DGKI: variants seen among roughly 807,000 people sequenced by gnomAD.
DGKI encodes the protein DAG kinase iota.
DGKI carries 55 observed loss-of-function variants against 147.5 expected under a neutral mutation model. That is an observed-to-expected ratio of 0.37 (90% CI 0.30 to 0.47). The LOEUF (loss-of-function observed/expected upper bound fraction) is 0.47. DGKI is among the 20% of genes least tolerant of loss of function. The pLI, the probability that DGKI is intolerant of heterozygous loss-of-function variation, is 1.00. For synonymous variants in DGKI, 469 were observed against 477.1 expected (o/e 0.98, Z 0.22); for missense variants, 1,007 against 1,323.8 (o/e 0.76, Z 3.71).
At chr7:137,486,151 T>C (rs1007693095) in intron 22 of DGKI, among the ~76,000 whole-genome samples, 1 of 152,154 alleles carries the variant, frequency 6.6e-6, no homozygotes, top group Non-Finnish European at 1.5e-5. Flanking sequence ...TTCATCACAT[T>C]ACTTTCCATT....
chr7:137,440,579 T>G (rs909261995), intron 28 of DGKI, among the ~76,000 whole-genome samples: 2 of 152,308 alleles, frequency 1.3e-5, no homozygotes, highest in East Asian at 3.9e-4. Context: ...GGTCTGAAAA[T>G]TAACTCTCTC....
chr7:137,562,373 T>C (rs747553195), intron 19 of DGKI, among the ~76,000 whole-genome samples: 4 of 152,094 alleles, frequency 2.6e-5, no homozygotes, highest in Non-Finnish European at 4.4e-5. Flanking sequence ...TCGCCTCTAC[T>C]AAAAATACAA....
chr7:137,846,428 G>A lies in DGKI; in HGVS notation c.401+34C>T. The A allele has an allele frequency of 2.0e-6, 3 of 1,507,902 alleles. No homozygotes were observed. The highest frequency in any genetic ancestry group is 2.6e-5 in the East Asian group (1 of 38,656). The allele number at this position is 1,507,902 out of a possible 1,614,324, so 93.4% of individuals were successfully genotyped here. A position where few individuals can be genotyped will look rare whatever the true frequency, so the allele number is the denominator to read the frequency against. ...AGAAGAGTGGGTCTCCCGCCGCGGCGCACCTGTCTCGGCTGCCGGCTCCCC... is the reference window on the plus strand; with the variant it reads ...AGAAGAGTGGGTCTCCCGCCGCGGCACACCTGTCTCGGCTGCCGGCTCCCC... On this transcript the variant is annotated intron_variant, in intron 1 of 32. Transcript: ENST00000614521. The surrounding 1 kb of genome is among the most constrained non-coding windows in gnomAD (Gnocchi z 4.0).
At chr7:137,546,093 G>C (rs777575877) in intron 20 of DGKI, 17 of 549,302 alleles carry the variant, frequency 3.1e-5, no homozygotes, top group Non-Finnish European at 4.9e-5. Flanking sequence ...TCACCGAACA[G>C]CGAAGGAAAG....
intron 1 of DGKI, among the ~76,000 whole-genome samples, chr7:137,731,859 C>T (rs1265807288): frequency 6.6e-6 from 1 of 152,044 alleles, no homozygotes; most frequent in Non-Finnish European, 1.5e-5. Context: ...CCCACACAAG[C>T]TCTCTGTCCT....
At chr7:137,473,242 T>C (rs1263745933) in intron 23 of DGKI, among the ~76,000 whole-genome samples, 1 of 152,168 alleles carries the variant, frequency 6.6e-6, no homozygotes, top group Non-Finnish European at 1.5e-5. Flanking sequence ...AAATGTTTGA[T>C]CTACAGAAAC....
At chr7:137,542,491 T>G (rs1428960281) in intron 20 of DGKI, among the ~76,000 whole-genome samples, 6 of 152,326 alleles carry the variant, frequency 3.9e-5, no homozygotes, top group Admixed American at 6.5e-5. Flanking sequence ...GGTGTAGTGT[T>G]CAGTCAAAGA....
chr7:137,779,521 G>A (rs1465738517), intron 1 of DGKI, among the ~76,000 whole-genome samples: 1 of 152,078 alleles, frequency 6.6e-6, no homozygotes, highest in Non-Finnish European at 1.5e-5. Context: ...AAATTAATAA[G>A]TATGCTTCAG....
chr7:137,485,376 G>C lies in DGKI; in HGVS notation c.2371C>G (p.Gln791Glu), dbSNP rs551375940. 2 of 1,606,720 alleles carry C rather than the reference G, an allele frequency of 1.2e-6. No individual in the cohort carries two copies. Among genetic ancestry groups the C allele is most frequent in the African/African-American group, 2.7e-5 (2 of 74,680 alleles). ...VSSGSQRVHY[Q>E]DHETSFPRAL... ...AAGGAGAGTCAATTATTTGTTACCT[G>C]GTAATGAACTCTCTGGGAGCCAGAA... The change falls in exon 23 of 33, where the codon CAG (glutamine) becomes GAG (glutamate). Residue 791 changes from glutamine to glutamate, a missense_variant and splice_region_variant. This residue lies in a region of DGKI where 385 missense variants were observed against 445.2 expected (regional missense o/e 0.86). Coordinates refer to ENST00000614521, the MANE Select transcript of DGKI (RefSeq NM_001321708.2).
intron 6 of DGKI, among the ~76,000 whole-genome samples, chr7:137,629,697 C>A (rs1821064081): frequency 6.6e-6 from 1 of 152,146 alleles, no homozygotes; most frequent in African/African-American, 2.4e-5. Context: ...AGTTTTTAAC[C>A]AGCAAAACCC....
intron 1 of DGKI, among the ~76,000 whole-genome samples, chr7:137,780,504 A>C (rs752201387): frequency 1.3e-4 from 20 of 152,190 alleles, no homozygotes; most frequent in Non-Finnish European, 2.6e-4. Flanking sequence ...TGGAAAAGGA[A>C]GGGTGTCTAC....
chr7:137,703,971 G>A (rs1793915634), intron 1 of DGKI, among the ~76,000 whole-genome samples: 1 of 152,188 alleles, frequency 6.6e-6, no homozygotes, highest in Non-Finnish European at 1.5e-5. Context: ...AGCACTTTGG[G>A]AGGCTAAGGC....
intron 1 of DGKI, chr7:137,843,487 T>A: frequency 1.1e-6 from 1 of 944,176 alleles, no homozygotes; most frequent in South Asian, 4.9e-5. Flanking sequence ...AAAATTCTCA[T>A]GGGAAAAATG....
chr7:137,407,630 A>G (rs1812006916), intron 30 of DGKI, among the ~76,000 whole-genome samples: 2 of 152,118 alleles, frequency 1.3e-5, no homozygotes, highest in Non-Finnish European at 2.9e-5. Context: ...AATTAGTCTG[A>G]AAAATAGCCT....
At position 137,494,816 on chromosome 7, in the gene DGKI, A is replaced by T. The variant is rs188191139; in HGVS notation, c.2249-7127T>A. Among the ~76,000 whole-genome samples the T allele has an allele frequency of 6.6e-5, 10 of 152,302 alleles. 1 individual carries two copies. The highest frequency in any genetic ancestry group is 5.9e-4 in the Admixed American group (9 of 15,292). On this transcript the variant is annotated intron_variant, in intron 21 of 32. Transcript: ENST00000614521. Reference sequence around the variant, plus strand: ...CACAATGACAGGATCAAATCCACACATATTAATGCTAACTTTGAATGTAAA... The same window carrying T: ...CACAATGACAGGATCAAATCCACACTTATTAATGCTAACTTTGAATGTAAA...
chr7:137,628,907 A>G (rs1821034571), intron 6 of DGKI, among the ~76,000 whole-genome samples: 1 of 152,176 alleles, frequency 6.6e-6, no homozygotes, highest in Non-Finnish European at 1.5e-5. Context: ...AAAGGGCTTG[A>G]CTTAAGATAA....
At chr7:137,554,914 CTT>C (rs757320303) in intron 19 of DGKI, among the ~76,000 whole-genome samples, 448 of 107,390 alleles carry the variant, frequency 4.2e-3, no homozygotes, top group African/African-American at 0.014. Context: ...AAACTATTTT[CTT>C]TTTTTTTTTT....
At chr7:137,779,336 A>T (rs1305372530) in intron 1 of DGKI, among the ~76,000 whole-genome samples, 1 of 152,208 alleles carries the variant, frequency 6.6e-6, no homozygotes, top group African/African-American at 2.4e-5. Context: ...ATAAAAATTA[A>T]TTCAAGATGA....
intron 14 of DGKI, among the ~76,000 whole-genome samples, chr7:137,582,842 C>T (rs541399736): frequency 5.3e-5 from 8 of 152,236 alleles, no homozygotes; most frequent in African/African-American, 1.7e-4. Context: ...CTGGTTCTCC[C>T]GCTTTTCCTT....
Sources: allele counts gnomAD v4.1 joint callset (sites outside exome capture counted in the v4.1 genomes callset), GRCh38; gene constraint gnomAD v4.1.1; regional missense constraint gnomAD v4.1.1; non-coding constraint Gnocchi (gnomAD v3.1); transcripts MANE v1.5; gene names NCBI Gene and HGNC (gene_info 2026-07-23, HGNC 2026-07-21).